The following RPH3A variants were observed in gnomAD, a reference collection of about 807,000 sequenced individuals.
The protein encoded by RPH3A is rabphilin-3A.
Under a neutral mutation model 102.2 loss-of-function variants are expected in RPH3A, and 48 were observed. The observed-to-expected ratio is 0.47, with a 90% CI of 0.37 to 0.60. The LOEUF is 0.60. Among genes scored for constraint, RPH3A ranks in the 20% least tolerant of loss-of-function variants. RPH3A has a pLI of 0.00. For missense variants in RPH3A, 781 were observed against 910.1 expected, an observed-to-expected ratio of 0.86 and a Z score of 1.83; for synonymous variants, 310 against 324.3, an observed-to-expected ratio of 0.96 and a Z score of 0.47.
chr12:112,837,855 C>T, intron 4 of RPH3A: 2 of 454,776 alleles, frequency 4.4e-6, no homozygotes, highest in Middle Eastern at 3.3e-4. Flanking sequence ...CCCCAGGCTC[C>T]TCCCCTCCTT....
intron 14 of RPH3A, among the ~76,000 whole-genome samples, chr12:112,881,337 C>T (rs886478): frequency 0.5 from 75,461 of 151,976 alleles, 19,974 homozygotes; most frequent in African/African-American, 0.67. Context: ...AATGCAGGAG[C>T]ATCCTCCTTC....
intron 20 of RPH3A, 34 bp downstream of exon 20, chr12:112,894,693 A>G (rs762819820): frequency 6.3e-7 from 1 of 1,597,300 alleles, no homozygotes; most frequent in South Asian, 1.1e-5. Context: ...ATGCTCTGGG[A>G]TATTTGCTGT....
Position 112,869,983 on chromosome 12 carries a change from A to G in RPH3A, c.740A>G (p.Asp247Gly), listed in dbSNP as rs201082152. 13 of 1,614,128 alleles carry G rather than the reference A, an allele frequency of 8.1e-6. No homozygotes were observed. In the Admixed American group the frequency reaches 1.2e-4, roughly 14 times the overall value. ...GCACGAATGAGCTCATCTAGCCGAG[A>G]TTCAGAGAGCTGGGACCACAGTGGG... is the stretch of plus-strand genomic sequence containing the variant. ...SEARMSSSSRDSESWDHSGGA... is the reference protein window; with the variant it reads ...SEARMSSSSRGSESWDHSGGA... Residue 247 changes from aspartate to glycine, a missense_variant, in exon 10 of 22, where the codon GAT becomes GGT. Coordinates refer to ENST00000389385, the MANE Select transcript of RPH3A (RefSeq NM_001143854.2).
At chr12:112,891,074 C>G (rs2136267841) in intron 19 of RPH3A, 71 bp downstream of exon 19, 1 of 1,554,342 alleles carries the variant, frequency 6.4e-7, no homozygotes, top group Non-Finnish European at 8.8e-7. Flanking sequence ...GAGAACCAGA[C>G]AGTTTCACCA....
chr12:112,697,022 C>T (rs1257309634), intron 1 of RPH3A, among the ~76,000 whole-genome samples: 1 of 151,930 alleles, frequency 6.6e-6, no homozygotes, highest in South Asian at 2.1e-4. Context: ...GAAAAATCTA[C>T]AAGTAATATC....
At position 112,688,208 on chromosome 12, in the gene RPH3A, G is replaced by A. The variant is rs527989042; in HGVS notation, c.-139-103935G>A. 2.4e-4 allele frequency among the ~76,000 whole-genome samples: 36 copies of A among 152,214 alleles called. 1 individual carries two copies. The highest frequency in any genetic ancestry group is 1.5e-3 in the South Asian group (7 of 4,818). ...ACAGATAGGAAATTTTTGAATTGAGGTCTATGCACCATTAGTCCATGGGAT... is the reference window on the plus strand; with the variant it reads ...ACAGATAGGAAATTTTTGAATTGAGATCTATGCACCATTAGTCCATGGGAT... On this transcript the variant is annotated intron_variant, in intron 1 of 21. Transcript: ENST00000543106.
intron 1 of RPH3A, among the ~76,000 whole-genome samples, chr12:112,724,280 C>G (rs116679549): frequency 0.01 from 1,545 of 152,136 alleles, 22 homozygotes; most frequent in African/African-American, 0.034. Context: ...GCCCAGGCTG[C>G]TTTTGAACTT....
intron 1 of RPH3A, among the ~76,000 whole-genome samples, chr12:112,642,683 A>T (rs2039899184): frequency 6.6e-6 from 1 of 152,114 alleles, no homozygotes; most frequent in Non-Finnish European, 1.5e-5. Context: ...TTTTGCCCAC[A>T]ATTTGTCTGT....
chr12:112,575,894 G>A (rs1372278530), intron 1 of RPH3A, among the ~76,000 whole-genome samples: 3 of 152,124 alleles, frequency 2.0e-5, no homozygotes, highest in Non-Finnish European at 4.4e-5. Context: ...GTTAATCAGA[G>A]GGCGTCTCCG....
chr12:112,806,990 G>C (rs1261565936), intron 2 of RPH3A, among the ~76,000 whole-genome samples: 1 of 152,026 alleles, frequency 6.6e-6, no homozygotes, highest in East Asian at 1.9e-4. Context: ...AGTTTTCTTG[G>C]CAGTGGGAGC....
chr12:112,767,355 A>G lies in RPH3A; in HGVS notation c.-139-24788A>G, dbSNP rs1428820585. Among the ~76,000 whole-genome samples the G allele has an allele frequency of 9.2e-5, 14 of 152,244 alleles. No homozygotes were observed. The East Asian group carries it at 2.7e-3, about 29-fold the overall frequency. ...CCTCCTCAATCTCACCCTCTGGCAG[A>G]TCCACTCTCACCCGTCTTATCTGGC... On this transcript the variant is annotated intron_variant, in intron 1 of 21. Coordinates refer to the RPH3A transcript ENST00000543106.
intron 19 of RPH3A, among the ~76,000 whole-genome samples, chr12:112,891,752 C>A (rs889572715): frequency 6.6e-6 from 1 of 152,220 alleles, no homozygotes; most frequent in African/African-American, 2.4e-5. Context: ...ACCTTAGCAT[C>A]CCTGCCAGGC....
intron 1 of RPH3A, among the ~76,000 whole-genome samples, chr12:112,675,987 G>T (rs1411547959): frequency 2.0e-5 from 3 of 152,176 alleles, no homozygotes. Context: ...GAGTTCAGGA[G>T]CTGAGATCTC....
rs549895891 is a variant in RPH3A, at chr12:112,834,040, T to A, written c.72-2451T>A. ...ACCATCAGCCATAAAAACATGTGTA[T>A]ACCCATGAAATCATCACAGTAATCA... On this transcript the variant is annotated intron_variant, in intron 3 of 21. Coordinates refer to ENST00000389385, the MANE Select transcript of RPH3A (RefSeq NM_001143854.2). 5.3e-5 allele frequency among the ~76,000 whole-genome samples: 8 copies of A among 152,336 alleles called. No individual in the cohort carries two copies. In the South Asian group the frequency reaches 1.7e-3, roughly 32 times the overall value.
At chr12:112,739,409 G>A (rs891564498) in intron 1 of RPH3A, among the ~76,000 whole-genome samples, 2 of 152,144 alleles carry the variant, frequency 1.3e-5, no homozygotes, top group Non-Finnish European at 2.9e-5. Context: ...AAAATCACAC[G>A]AGGAGCCGTC....
At chr12:112,725,538 A>G (rs192133637) in intron 1 of RPH3A, among the ~76,000 whole-genome samples, 1 of 152,098 alleles carries the variant, frequency 6.6e-6, no homozygotes, top group African/African-American at 2.4e-5. Context: ...TCTTTGCTCT[A>G]GTAACATCTC....
intron 1 of RPH3A, among the ~76,000 whole-genome samples, chr12:112,659,269 C>T (rs1293286712): frequency 5.3e-5 from 8 of 152,194 alleles, no homozygotes; most frequent in Non-Finnish European, 8.8e-5. Flanking sequence ...GTGAAAGGAT[C>T]TCACCTAGAA....
At chr12:112,864,212 G>T (rs2042569275) in intron 5 of RPH3A, among the ~76,000 whole-genome samples, 1 of 152,158 alleles carries the variant, frequency 6.6e-6, no homozygotes, top group African/African-American at 2.4e-5. Flanking sequence ...CAGCATTTTG[G>T]GAGGCCAAGG....
Position 112,890,811 on chromosome 12 carries a change from C to T in RPH3A, c.1621-38C>T, listed in dbSNP as rs150593618. On this transcript the variant is annotated intron_variant, in intron 18 of 21. Transcript: ENST00000389385. Reference sequence around the variant, plus strand: ...CGCCATTCACATTTCCTGGCCCCCTCCCCTCCAAGGCCCACACTGCCTTTT... The same window carrying T: ...CGCCATTCACATTTCCTGGCCCCCTTCCCTCCAAGGCCCACACTGCCTTTT... 422 of 1,602,744 alleles carry T rather than the reference C, an allele frequency of 2.6e-4. 5 individuals are homozygous for T. The African/African-American group carries it at 4.2e-3, about 16-fold the overall frequency.
Sources: gnomAD v4.1 joint callset for allele counts (sites outside exome capture counted in the v4.1 genomes callset) on GRCh38, gnomAD v4.1.1 for gene constraint, MANE v1.5 for transcripts, NCBI Gene and HGNC (gene_info 2026-07-23, HGNC 2026-07-21) for gene names.